RASGRF2: variants seen among roughly 807,000 people sequenced by gnomAD.
RASGRF2 encodes the protein ras-specific guanine nucleotide-releasing factor 2.
A neutral mutation model predicts 151.0 loss-of-function variants in RASGRF2; 76 were observed. The observed-to-expected ratio is 0.50, with a 90% CI of 0.42 to 0.61. The LOEUF (loss-of-function observed/expected upper bound fraction) is 0.61. Ranked by LOEUF, RASGRF2 falls within the 20% of genes least tolerant of loss-of-function variation. The pLI is 0.00. For synonymous variants in RASGRF2, 504 were observed against 566.5 expected (o/e 0.89, Z 1.57); for missense variants, 1,148 against 1,564.6 (o/e 0.73, Z 4.49).
At chr5:81,146,190 T>C (rs375316728) in intron 17 of RASGRF2, among the ~76,000 whole-genome samples, 53 of 152,342 alleles carry the variant, frequency 3.5e-4, no homozygotes, top group South Asian at 6.2e-4. Flanking sequence ...CTCTGCTGTT[T>C]GAGAGCCTAG....
chr5:81,035,988 A>G (rs571553705), intron 1 of RASGRF2, among the ~76,000 whole-genome samples: 2 of 152,304 alleles, frequency 1.3e-5, no homozygotes, highest in South Asian at 4.1e-4. Context: ...AAACAACAAC[A>G]ATAATCAAGA....
At chr5:81,038,453 A>G (rs1158043426) in intron 1 of RASGRF2, among the ~76,000 whole-genome samples, 2 of 151,716 alleles carry the variant, frequency 1.3e-5, no homozygotes, top group African/African-American at 2.4e-5. Context: ...GTACAATTAA[A>G]TGTCTTTTAA....
At chr5:81,149,412 G>A (rs1280347023) in intron 17 of RASGRF2, among the ~76,000 whole-genome samples, 1 of 152,154 alleles carries the variant, frequency 6.6e-6, no homozygotes, top group Non-Finnish European at 1.5e-5. Flanking sequence ...TCACTTATAA[G>A]TGGGAGCCAA....
At chr5:81,001,669 TCTC>T (rs1471330317) in intron 1 of RASGRF2, among the ~76,000 whole-genome samples, 2 of 152,176 alleles carry the variant, frequency 1.3e-5, no homozygotes, top group African/African-American at 4.8e-5. Flanking sequence ...CACATACTGT[TCTC>T]CTCTTGTGAA....
At chr5:81,197,963 T>TC (rs1164573533) in intron 18 of RASGRF2, among the ~76,000 whole-genome samples, 3 of 152,132 alleles carry the variant, frequency 2.0e-5, no homozygotes, top group East Asian at 1.9e-4. Context: ...GTTCTTTTTT[T>TC]CCCAACATTT....
At chr5:81,067,019 T>G (rs1179187840) in intron 2 of RASGRF2, among the ~76,000 whole-genome samples, 2 of 152,206 alleles carry the variant, frequency 1.3e-5, no homozygotes, top group Non-Finnish European at 2.9e-5. Flanking sequence ...AGCTGGTGTT[T>G]AAGAACATGG....
chr5:81,181,532 T>G (rs1754917077), intron 18 of RASGRF2, among the ~76,000 whole-genome samples: 1 of 152,232 alleles, frequency 6.6e-6, no homozygotes. Context: ...CTCTTTTCCC[T>G]GTAGTCTCAG....
intron 1 of RASGRF2, among the ~76,000 whole-genome samples, chr5:81,032,373 T>C (rs901996024): frequency 2.0e-5 from 3 of 152,218 alleles, no homozygotes; most frequent in Non-Finnish European, 4.4e-5. Flanking sequence ...ATATCCCTGA[T>C]GAACATCGAT....
At chr5:81,219,472 AT>A (rs11302625) in intron 25 of RASGRF2, among the ~76,000 whole-genome samples, 27,232 of 151,958 alleles carry the variant, frequency 0.18, 2,731 homozygotes, top group Admixed American at 0.27. Flanking sequence ...GAGGCCACAT[AT>A]TGCCAGCTGT....
intron 17 of RASGRF2, among the ~76,000 whole-genome samples, chr5:81,168,645 G>T (rs1181822850): frequency 6.6e-6 from 1 of 152,036 alleles, no homozygotes; most frequent in Non-Finnish European, 1.5e-5. Flanking sequence ...TACCAGCTAT[G>T]GCTCCCTTCC....
At chr5:81,084,955 C>G (rs189437714) in intron 7 of RASGRF2, among the ~76,000 whole-genome samples, 15 of 152,328 alleles carry the variant, frequency 9.8e-5, no homozygotes, top group African/African-American at 3.4e-4. Flanking sequence ...AACTTCTTCC[C>G]ACTTTAGTTC....
Position 81,201,402 on chromosome 5 carries a change from C to G in RASGRF2, c.2866C>G (p.Leu956Val). 5 of 1,613,870 alleles carry G rather than the reference C, an allele frequency of 3.1e-6. No homozygotes were observed. Among genetic ancestry groups the G allele is most frequent in the Non-Finnish European group, 4.2e-6 (5 of 1,179,894 alleles). ...LLEEVLRDPD[L>V]LPQERKAAAN... ...AGAAGAAGTTTTGCGAGACCCAGAC[C>G]TTCTTCCCCAAGAAAGGAAAGCCGC... Residue 956 changes from leucine to valine, a missense_variant, in exon 19 of 27, where the codon CTT becomes GTT. Transcript: ENST00000265080.
At chr5:81,032,166 C>T (rs949275923) in intron 1 of RASGRF2, among the ~76,000 whole-genome samples, 1 of 152,038 alleles carries the variant, frequency 6.6e-6, no homozygotes, top group African/African-American at 2.4e-5. Context: ...AATAGCCTAC[C>T]AACCAAAAAA....
At chr5:81,197,487 A>AAAG (rs397998371) in intron 18 of RASGRF2, among the ~76,000 whole-genome samples, 1 of 148,368 alleles carries the variant, frequency 6.7e-6, no homozygotes, top group Non-Finnish European at 1.5e-5. Flanking sequence ...AAAAAAAAAA[A>AAAG]GTAAAATATT....
rs553360664 is a variant in RASGRF2, at chr5:81,102,719, G to T, written c.1756-6277G>T. ...CCCAAAAAAAAAAAAAAAAGAATGT[G>T]TCTGTGGCCTACATATTTGAAATCA... is the stretch of plus-strand genomic sequence containing the variant. On this transcript the variant is annotated intron_variant, in intron 12 of 26. Coordinates refer to ENST00000265080, the MANE Select transcript of RASGRF2 (RefSeq NM_006909.3). Among the ~76,000 whole-genome samples the T allele has an allele frequency of 3.7e-4, 56 of 151,240 alleles. 1 individual carries two copies. The highest frequency in any genetic ancestry group is 1.2e-3 in the African/African-American group (49 of 41,278).
At chr5:81,006,156 A>C (rs1205863092) in intron 1 of RASGRF2, among the ~76,000 whole-genome samples, 1 of 152,200 alleles carries the variant, frequency 6.6e-6, no homozygotes, top group Non-Finnish European at 1.5e-5. Context: ...TGGCTATAGA[A>C]CCAACCTTAC....
Position 81,147,110 on chromosome 5 carries a change from T to C in RASGRF2, c.2686+19947T>C, listed in dbSNP as rs1464737901. Among the ~76,000 whole-genome samples the C allele has an allele frequency of 2.0e-5, 3 of 152,274 alleles. No homozygotes were observed. The East Asian group carries it at 5.8e-4, about 29-fold the overall frequency. On this transcript the variant is annotated intron_variant, in intron 17 of 26. Coordinates refer to ENST00000265080, the MANE Select transcript of RASGRF2 (RefSeq NM_006909.3). ...TGAACTCCTGCACGCTATATAATAA[T>C]CAGTATAATTATCAGCCAATGTTGT...
chr5:81,116,294 G>A (rs1753155377), intron 15 of RASGRF2, among the ~76,000 whole-genome samples: 1 of 151,782 alleles, frequency 6.6e-6, no homozygotes. Flanking sequence ...TGTTGGCCAG[G>A]CTAGTCTTGA....
intron 19 of RASGRF2, among the ~76,000 whole-genome samples, chr5:81,202,301 C>A (rs115955169): frequency 3.6e-4 from 55 of 152,298 alleles, no homozygotes; most frequent in African/African-American, 1.3e-3. Context: ...TTCTAGTTCC[C>A]TCTTCATTTA....
Sources: gnomAD v4.1 joint callset for allele counts (sites outside exome capture counted in the v4.1 genomes callset) on GRCh38, gnomAD v4.1.1 for gene constraint, MANE v1.5 for transcripts, NCBI Gene and HGNC (gene_info 2026-07-23, HGNC 2026-07-21) for gene names.